The following ITK variants were observed in gnomAD, a reference collection of about 807,000 sequenced individuals.
ITK encodes IL2 inducible T cell kinase.
Under a neutral mutation model 87.6 loss-of-function variants are expected in ITK, and 45 were observed. That is an observed-to-expected ratio of 0.51 (90% CI 0.40 to 0.66). The LOEUF (loss-of-function observed/expected upper bound fraction) is 0.66, where lower values mean the gene tolerates loss of function less well. ITK is among the 30% of genes least tolerant of loss of function. ITK has a pLI of 0.00. For missense variants in ITK, 605 were observed against 766.3 expected (o/e 0.79, Z 2.48); for synonymous variants, 303 against 273.6 (o/e 1.11, Z -1.06).
At chr5:157,231,165 T>A (rs149668985) in intron 7 of ITK, among the ~76,000 whole-genome samples, 431 of 152,310 alleles carry the variant, frequency 2.8e-3, no homozygotes, top group Non-Finnish European at 4.6e-3. Flanking sequence ...TTTGCAGCCA[T>A]GACCTTGGGC....
chr5:157,223,366 C>T (rs964014651), intron 6 of ITK, among the ~76,000 whole-genome samples: 1 of 152,020 alleles, frequency 6.6e-6, no homozygotes, highest in Non-Finnish European at 1.5e-5. Context: ...TTAAGTGAGG[C>T]TGAAGGTACA....
chr5:157,210,578 T>C (rs1159347445), intron 2 of ITK, among the ~76,000 whole-genome samples: 1 of 151,522 alleles, frequency 6.6e-6, no homozygotes, highest in Non-Finnish European at 1.5e-5. Flanking sequence ...AGTTTTAGGG[T>C]ACATGTGCAC....
At chr5:157,221,378 A>G (rs1754408739) in intron 5 of ITK, among the ~76,000 whole-genome samples, 1 of 152,168 alleles carries the variant, frequency 6.6e-6, no homozygotes, top group Non-Finnish European at 1.5e-5. Context: ...GAAATCCAGT[A>G]CTTTGGATAG....
chr5:157,187,541 G>T lies in ITK; in HGVS notation c.138+6426G>T, dbSNP rs193250400. On this transcript the variant is annotated intron_variant, in intron 1 of 16. Coordinates refer to ENST00000422843, the MANE Select transcript of ITK (RefSeq NM_005546.4). ...AGGACTTCAAAAGGGAGATTACTGG[G>T]TGTAGAAACAAGTAACAAAGACTCC... is the stretch of plus-strand genomic sequence containing the variant. 3.4e-3 allele frequency among the ~76,000 whole-genome samples: 517 copies of T among 152,278 alleles called. 3 individuals carry two copies. Among genetic ancestry groups the T allele is most frequent in the Non-Finnish European group, 5.2e-3 (355 of 68,018 alleles).
chr5:157,207,958 C>CA (rs1272726576), intron 1 of ITK, among the ~76,000 whole-genome samples: 1 of 152,188 alleles, frequency 6.6e-6, no homozygotes, highest in African/African-American at 2.4e-5. Flanking sequence ...AGGACTATGA[C>CA]ATTCAGAATC....
chr5:157,199,247 C>T (rs1753913281), intron 1 of ITK: 1 of 152,296 alleles, frequency 6.6e-6, no homozygotes, highest in African/African-American at 2.4e-5. Flanking sequence ...TTGAAAGCTC[C>T]AGTTCTCCCC....
chr5:157,245,561 C>T, intron 13 of ITK, 165 bp from the exon 14 acceptor site: 1 of 686,240 alleles, frequency 1.5e-6, no homozygotes, highest in Non-Finnish European at 2.7e-6. Context: ...CAGTTAACTT[C>T]CAGCGGCATT....
At chr5:157,221,323 C>T (rs1754407942) in intron 5 of ITK, among the ~76,000 whole-genome samples, 1 of 152,030 alleles carries the variant, frequency 6.6e-6, no homozygotes, top group African/African-American at 2.4e-5. Flanking sequence ...ACTTCTGAAC[C>T]AAAGCATAGT....
chr5:157,187,288 G>T (rs1161818018), intron 1 of ITK, among the ~76,000 whole-genome samples: 1 of 152,212 alleles, frequency 6.6e-6, no homozygotes, highest in African/African-American at 2.4e-5. Context: ...CTTTATGAGA[G>T]CAGGCACCCA....
intron 5 of ITK, among the ~76,000 whole-genome samples, chr5:157,220,595 T>G (rs27978): frequency 6.6e-6 from 1 of 151,820 alleles, no homozygotes; most frequent in African/African-American, 2.4e-5. Context: ...AGCAGAGTGG[T>G]CAGGAGGCAG....
intron 11 of ITK, among the ~76,000 whole-genome samples, chr5:157,241,986 TG>T (rs1447189244): frequency 1.3e-5 from 2 of 152,212 alleles, no homozygotes. Flanking sequence ...GCACCTACTT[TG>T]TACAGAGCAC....
intron 8 of ITK, among the ~76,000 whole-genome samples, chr5:157,232,952 A>G (rs1308651859): frequency 6.6e-6 from 1 of 152,220 alleles, no homozygotes; most frequent in East Asian, 1.9e-4. Context: ...CAGAGGAAAC[A>G]TAGCACTTGT....
chr5:157,204,303 G>A (rs939549403), intron 1 of ITK, among the ~76,000 whole-genome samples: 1 of 152,194 alleles, frequency 6.6e-6, no homozygotes, highest in African/African-American at 2.4e-5. Flanking sequence ...GCTCATGCCT[G>A]TAATCCCAGC....
intron 5 of ITK, among the ~76,000 whole-genome samples, chr5:157,221,845 T>C (rs1754423245): frequency 1.3e-5 from 2 of 152,048 alleles, no homozygotes; most frequent in Admixed American, 1.3e-4. Flanking sequence ...TCCACAAATA[T>C]CTAGATTTCA....
chr5:157,210,695 T>G (rs1219119274), intron 2 of ITK, among the ~76,000 whole-genome samples: 1 of 42,816 alleles, frequency 2.3e-5, no homozygotes, highest in Admixed American at 3.5e-4. Context: ...CCCTCCCCCC[T>G]CCCCCCACCC....
intron 4 of ITK, among the ~76,000 whole-genome samples, chr5:157,214,917 C>A (rs1191941296): frequency 1.3e-5 from 2 of 152,112 alleles, no homozygotes; most frequent in African/African-American, 4.8e-5. Context: ...GAGGAGAAGG[C>A]CGCAGTCTAA....
chr5:157,251,671 T>A (rs1755141110), intron 16 of ITK, among the ~76,000 whole-genome samples: 2 of 152,364 alleles, frequency 1.3e-5, no homozygotes, highest in Admixed American at 1.3e-4. Context: ...CACTTTGAGT[T>A]AATTTTCCTG....
intron 6 of ITK, 109 bp downstream of exon 6, chr5:157,223,123 G>T: frequency 1.5e-6 from 2 of 1,332,672 alleles, no homozygotes; most frequent in South Asian, 2.4e-5. Flanking sequence ...GCACTGAGGT[G>T]GGAGAAGAGA....
rs1380849049 is a variant in ITK at position 157,240,119 on chromosome 5, G to T, written c.909G>T (p.Lys303Asn). 1.2e-6 allele frequency: 2 copies of T among 1,613,024 alleles called. No homozygotes were observed. The highest frequency in any genetic ancestry group is 1.7e-6 in the Non-Finnish European group (2 of 1,179,090). ...YHIKETNDNPKRYYVAEKYVF... is the reference protein window; with the variant it reads ...YHIKETNDNPNRYYVAEKYVF... ...TCAAGGAAACAAATGACAATCCTAA[G>T]CGATACTATGTGGCTGAAAAGTATG... The change falls in exon 10 of 17, where the codon AAG (lysine) becomes AAT (asparagine). Residue 303 changes from lysine (K) to asparagine (N), a missense_variant. Coordinates refer to ENST00000422843, the MANE Select transcript of ITK (RefSeq NM_005546.4).
Sources: allele counts gnomAD v4.1 joint callset (sites outside exome capture counted in the v4.1 genomes callset), GRCh38; gene constraint gnomAD v4.1.1; transcripts MANE v1.5; gene names NCBI Gene and HGNC (gene_info 2026-07-23, HGNC 2026-07-21).